SSR1: variants seen among roughly 807,000 people sequenced by gnomAD.
SSR1 encodes signal sequence receptor subunit 1.
Under a neutral mutation model 36.1 loss-of-function variants are expected in SSR1, and 13 were observed. The ratio of observed to expected loss-of-function variants is 0.36; its 90% confidence interval spans 0.23 to 0.57. The LOEUF is 0.57. SSR1 is among the 20% of genes least tolerant of loss of function. SSR1 has a pLI of 0.81. For synonymous variants in SSR1, 113 were observed against 118.9 expected (o/e 0.95, Z 0.32); for missense variants, 291 against 338.5 (o/e 0.86, Z 1.10).
intron 7 of SSR1, among the ~76,000 whole-genome samples, chr6:7,291,200 C>A (rs111582393): frequency 0.11 from 17,362 of 152,074 alleles, 1,337 homozygotes; most frequent in Non-Finnish European, 0.17. Flanking sequence ...TCAAGACCAG[C>A]CCAGCCTGGC....
chr6:7,291,392 CGT>C (rs1757676997), intron 7 of SSR1, among the ~76,000 whole-genome samples: 1 of 151,872 alleles, frequency 6.6e-6, no homozygotes, highest in African/African-American at 2.4e-5. Flanking sequence ...AGCAAGACTC[CGT>C]GTCTCAGAAA....
At position 7,289,705 on chromosome 6, in the gene SSR1, A is replaced by C. The variant is rs1300876552; in HGVS notation, c.*159T>G. On this transcript the variant is annotated 3_prime_UTR_variant, in exon 8 of 8. Transcript: ENST00000244763. ...TACTTTAGAAAAATGAATGCAGTGC[A>C]TTTTCAGCAATATTATCGCCACAGA... 4 of 659,652 alleles carry C rather than the reference A, an allele frequency of 6.1e-6. No individual in the cohort carries two copies. Among genetic ancestry groups the C allele is most frequent in the Non-Finnish European group, 7.5e-6 (3 of 402,536 alleles). The allele number at this position is 659,652 out of a possible 1,614,324, so 40.9% of individuals were successfully genotyped here. A position where few individuals can be genotyped will look rare whatever the true frequency, so the allele number is the denominator to read the frequency against.
Position 7,295,477 on chromosome 6 carries a change from T to A in SSR1, c.708A>T (p.Arg236Ser). 6.3e-7 allele frequency: 1 copy of A among 1,597,492 alleles called. No homozygotes were observed. The highest frequency in any genetic ancestry group is 8.5e-7 in the Non-Finnish European group (1 of 1,172,254). ...HQLLESRKRK[R>S]PIQKVEMGTS... The stretch of plus-strand genomic sequence containing the variant: ...TACCCATTTCTACTTTCTGTATGGG[T>A]CTCTTACGCTAAAAGAACATAAAGA... Residue 236 changes from arginine (R) to serine (S), a missense_variant, in exon 7 of 8, where the codon AGA becomes AGT. Arg to Ser is a moderately radical substitution (Grantham distance 110, BLOSUM62 -1). Coordinates refer to ENST00000244763, the MANE Select transcript of SSR1 (RefSeq NM_003144.5).
intron 7 of SSR1, 30 bp downstream of exon 7, chr6:7,295,362 C>T (rs1245600990): frequency 1.3e-6 from 2 of 1,549,538 alleles, no homozygotes; most frequent in Non-Finnish European, 1.8e-6. Flanking sequence ...AAGAGAAAAA[C>T]TTCCCAGCCA....
intron 4 of SSR1, 112 bp downstream of exon 4, chr6:7,301,198 A>C: frequency 7.6e-7 from 1 of 1,319,058 alleles, no homozygotes; most frequent in Non-Finnish European, 1.0e-6. Context: ...GGTGGCTATC[A>C]CAGGTTCAAC....
intron 3 of SSR1, among the ~76,000 whole-genome samples, 195 bp from the exon 4 acceptor site, chr6:7,301,767 G>A (rs62387315): frequency 0.16 from 24,975 of 152,086 alleles, 2,258 homozygotes; most frequent in South Asian, 0.22. Flanking sequence ...CCTTTTGTCT[G>A]TACGCTAGCA....
At position 7,289,836 on chromosome 6, in the gene SSR1, A is replaced by C; in HGVS notation, c.*28T>G. The C allele has an allele frequency of 6.4e-7, 1 of 1,566,994 alleles. No individual in the cohort carries two copies. Among genetic ancestry groups the C allele is most frequent in the Non-Finnish European group, 8.6e-7 (1 of 1,163,060 alleles). On this transcript the variant is annotated 3_prime_UTR_variant, in exon 8 of 8. Coordinates refer to ENST00000244763, the MANE Select transcript of SSR1 (RefSeq NM_003144.5). ...GAAAAATATTAGGGCAGGTTAAGTAAAGACCGAATTGTTGCACAAAGGAAC... is the reference window on the plus strand; with the variant it reads ...GAAAAATATTAGGGCAGGTTAAGTACAGACCGAATTGTTGCACAAAGGAAC...
intron 1 of SSR1, among the ~76,000 whole-genome samples, chr6:7,310,607 G>T (rs1194618668): frequency 6.6e-6 from 1 of 152,120 alleles, no homozygotes; most frequent in Admixed American, 6.5e-5. Context: ...CAACCCCCAC[G>T]TTTAAAAGAA....
intron 4 of SSR1, among the ~76,000 whole-genome samples, chr6:7,300,445 T>G (rs1307501814): frequency 6.6e-6 from 1 of 152,184 alleles, no homozygotes; most frequent in Admixed American, 6.5e-5. Flanking sequence ...TATTAGGACA[T>G]TTGGTTCTCC....
At chr6:7,309,338 G>A (rs1326032962) in intron 2 of SSR1, among the ~76,000 whole-genome samples, 5 of 152,096 alleles carry the variant, frequency 3.3e-5, no homozygotes, top group African/African-American at 1.2e-4. Flanking sequence ...GGGGCATGAC[G>A]GTAGTCCTAG....
At position 7,303,910 on chromosome 6, in the gene SSR1, C is replaced by A. The variant is rs1423404212; in HGVS notation, c.193-273G>T. On this transcript the variant is annotated intron_variant, in intron 2 of 7. Coordinates refer to ENST00000244763, the MANE Select transcript of SSR1 (RefSeq NM_003144.5). ...GCTAAGGCAGGAGAATCGCTTGAAT[C>A]CGGGAGGTAGAGGTTGTATGAGCTG... Among the ~76,000 whole-genome samples, 6 of 152,248 alleles carry A rather than the reference C, an allele frequency of 3.9e-5. 1 individual carries two copies. The highest frequency in any genetic ancestry group is 4.1e-4 in the South Asian group (2 of 4,822).
At position 7,283,205 on chromosome 6, in the gene SSR1, G is replaced by A. The variant is rs1349562605; in HGVS notation, c.*6659C>T. The stretch of plus-strand genomic sequence containing the variant: ...AGTGATTCTCCTGCCTCAGCCTCAT[G>A]AGTAGCTGGGATTACAGGCGTGCAC... On this transcript the variant is annotated 3_prime_UTR_variant, in exon 8 of 8. Transcript: ENST00000244763. The A allele has an allele frequency of 6.6e-6, 1 of 151,830 alleles. No homozygotes were observed. Among genetic ancestry groups the A allele is most frequent in the Non-Finnish European group, 1.5e-5 (1 of 67,968 alleles). 9.4% of individuals were successfully genotyped at this position (151,830 alleles called of 1,614,324 possible).
At chr6:7,307,827 C>T (rs1758104208) in intron 2 of SSR1, among the ~76,000 whole-genome samples, 1 of 152,192 alleles carries the variant, frequency 6.6e-6, no homozygotes, top group Non-Finnish European at 1.5e-5. Context: ...CGTTCAGCAT[C>T]TCTCTTCTAC....
At chr6:7,308,500 G>C (rs1007194704) in intron 2 of SSR1, among the ~76,000 whole-genome samples, 3 of 152,014 alleles carry the variant, frequency 2.0e-5, no homozygotes, top group Admixed American at 6.5e-5. Flanking sequence ...CACGAAAATA[G>C]AAAGAAAAAA....
chr6:7,312,955 C>T (rs1758240935), intron 1 of SSR1, 87 bp downstream of exon 1: 2 of 1,357,006 alleles, frequency 1.5e-6, no homozygotes, highest in Admixed American at 2.0e-5. Context: ...CCCCAGGACC[C>T]GGAGCGGCCA....
At chr6:7,311,860 A>G (rs1758201400) in intron 1 of SSR1, among the ~76,000 whole-genome samples, 1 of 152,236 alleles carries the variant, frequency 6.6e-6, no homozygotes, top group Non-Finnish European at 1.5e-5. Flanking sequence ...GAAAATAGTT[A>G]TAAATAGTTC....
intron 4 of SSR1, 109 bp from the exon 5 acceptor site, chr6:7,298,932 T>G: frequency 1.2e-6 from 1 of 825,806 alleles, no homozygotes. Flanking sequence ...AGCCTTCCCA[T>G]CACTTAGAAG....
At position 7,285,815 on chromosome 6, in the gene SSR1, TC is replaced by T. The variant is rs951691994; in HGVS notation, c.*4048del. On this transcript the variant is annotated 3_prime_UTR_variant, in exon 8 of 8. Transcript: ENST00000244763. The surrounding 1 kb of genome is among the most constrained non-coding windows in gnomAD (Gnocchi z 4.1). The stretch of plus-strand genomic sequence containing the variant: ...TTTAACGTGAAGATTTATCTTTCAA[TC>T]CTTTAGAGCTTGAAAATGCAATCAA... 8.5e-5 allele frequency: 13 copies of T among 152,232 alleles called. No homozygotes were observed. Among genetic ancestry groups the T allele is most frequent in the African/African-American group, 2.9e-4 (12 of 41,458 alleles). 9.4% of individuals were successfully genotyped at this position (152,232 alleles called of 1,614,324 possible).
rs1581621423 is a variant in SSR1, at chr6:7,283,612, C to CTAAA, written c.*6248_*6251dup. 3 of 152,324 alleles carry CTAAA rather than the reference C, an allele frequency of 2.0e-5. No individual in the cohort carries two copies. Among genetic ancestry groups the CTAAA allele is most frequent in the East Asian group, 3.9e-4 (2 of 5,176 alleles). The allele number at this position is 152,324 out of a possible 1,614,324, so 9.4% of individuals were successfully genotyped here. A position where few individuals can be genotyped will look rare whatever the true frequency, so the allele number is the denominator to read the frequency against. ...GCCAGGCTGGTCTTGAACTCCTGAC[C>CTAAA]TAAAGTGATCCACCCACCTCAGCCT... is the stretch of plus-strand genomic sequence containing the variant. On this transcript the variant is annotated 3_prime_UTR_variant, in exon 8 of 8. Coordinates refer to ENST00000244763, the MANE Select transcript of SSR1 (RefSeq NM_003144.5).
Sources: gnomAD v4.1 joint callset for allele counts (sites outside exome capture counted in the v4.1 genomes callset) on GRCh38, gnomAD v4.1.1 for gene constraint, Gnocchi (gnomAD v3.1) non-coding constraint, MANE v1.5 for transcripts, NCBI Gene and HGNC (gene_info 2026-07-23, HGNC 2026-07-21) for gene names.